UNC79: variants seen among roughly 807,000 people sequenced by gnomAD.
UNC79 encodes protein unc-79 homolog.
UNC79 carries 37 observed loss-of-function variants against 283.1 expected under a neutral mutation model. The ratio of observed to expected loss-of-function variants is 0.13; its 90% confidence interval spans 0.10 to 0.17. The LOEUF is 0.17. Ranked by LOEUF, UNC79 falls within the 10% of genes least tolerant of loss-of-function variation. The probability of loss-of-function intolerance (pLI) is 1.00; values close to 1 mark genes in which losing one functional copy is unlikely to be tolerated. For synonymous variants in UNC79, 1,107 were observed against 1,200.2 expected (o/e 0.92, Z 1.61); for missense variants, 2,272 against 3,211.1 (o/e 0.71, Z 7.07).
At chr14:93,372,170 T>C (rs2054465231) in intron 1 of UNC79, among the ~76,000 whole-genome samples, 1 of 150,928 alleles carries the variant, frequency 6.6e-6, no homozygotes, top group South Asian at 2.1e-4. Flanking sequence ...TTAATTTTTC[T>C]TCTTAATTGG....
chr14:93,335,136 G>GGT (rs1368748809), intron 1 of UNC79: 1 of 152,196 alleles, frequency 6.6e-6, no homozygotes, highest in Non-Finnish European at 1.5e-5. Flanking sequence ...AGCCAAGTAA[G>GGT]GTCTGCTGGT....
chr14:93,443,069 T>C (rs745451753), intron 1 of UNC79, among the ~76,000 whole-genome samples: 1 of 151,596 alleles, frequency 6.6e-6, no homozygotes, highest in East Asian at 1.9e-4. Flanking sequence ...ACTAAAAATA[T>C]AAAAATTAGC....
Position 93,642,424 on chromosome 14 carries a change from C to CAA in UNC79, c.5904-1114_5904-1113dup, listed in dbSNP as rs5810634. 1.0e-2 allele frequency among the ~76,000 whole-genome samples: 1,056 copies of CAA among 105,744 alleles called. 51 individuals carry two copies. In the East Asian group the frequency reaches 0.13, roughly 13 times the overall value. The allele number at this position is 105,744 out of a possible 152,430, so 69.4% of individuals were successfully genotyped here. A position where few individuals can be genotyped will look rare whatever the true frequency, so the allele number is the denominator to read the frequency against. On this transcript the variant is annotated intron_variant, in intron 33 of 48. Transcript: ENST00000555664. ...TGGGTGACAGAGCAAGACTCCATCT[C>CAA]AAAAAAAAAAAAAAAAAAAAGTGAG... is the stretch of plus-strand genomic sequence containing the variant.
chr14:93,372,785 T>C (rs1595399505), intron 1 of UNC79, among the ~76,000 whole-genome samples: 1 of 152,310 alleles, frequency 6.6e-6, no homozygotes, highest in East Asian at 1.9e-4. Flanking sequence ...AAGGCCATAG[T>C]TGAACTCAAC....
chr14:93,474,052 C>G lies in UNC79; in HGVS notation c.144-37C>G. ...CAATGTAATGTGCTGTTCTTTGTGTCTTTGTTGTCTCTTTTTTTTCTTTGT... is the reference window on the plus strand; with the variant it reads ...CAATGTAATGTGCTGTTCTTTGTGTGTTTGTTGTCTCTTTTTTTTCTTTGT... On this transcript the variant is annotated intron_variant, in intron 2 of 48. Coordinates refer to ENST00000555664, the Ensembl canonical transcript of UNC79. This position sits in a 1 kb window ranked among gnomAD's most constrained non-coding sequence, Gnocchi z 4.1. 6.7e-7 allele frequency: 1 copy of G among 1,497,532 alleles called. No homozygotes were observed. The allele number at this position is 1,497,532 out of a possible 1,614,324, so 92.8% of individuals were successfully genotyped here.
chr14:93,477,859 CA>C, intron 4 of UNC79, 131 bp downstream of exon 4: 2 of 833,766 alleles, frequency 2.4e-6, no homozygotes, highest in East Asian at 5.7e-5. Context: ...GCTATGATTT[CA>C]ATTCAGTCAC....
In UNC79 at chr14:93,621,751, T is replaced by G; in HGVS notation, c.4518T>G (p.Asn1506Lys). 2 of 1,614,186 alleles carry G rather than the reference T, an allele frequency of 1.2e-6. No individual in the cohort carries two copies. The highest frequency in any genetic ancestry group is 2.2e-5 in the East Asian group (1 of 44,868). The change falls in exon 30 of 49, where the codon AAT becomes AAG. Residue 1506 changes from asparagine (N) to lysine (K), a missense_variant. Transcript: ENST00000555664. The surrounding 1 kb of genome is among the most constrained non-coding windows in gnomAD (Gnocchi z 4.8). ...AACAAAAATCTCTTGATATAGGGAATGCAGACTCGCTTTTGTTTACATTAG... is the reference window on the plus strand; with the variant it reads ...AACAAAAATCTCTTGATATAGGGAAGGCAGACTCGCTTTTGTTTACATTAG...
intron 30 of UNC79, among the ~76,000 whole-genome samples, chr14:93,625,278 GA>G (rs1159594637): frequency 6.6e-6 from 1 of 152,114 alleles, no homozygotes; most frequent in Non-Finnish European, 1.5e-5. Flanking sequence ...CTTGTCTCTA[GA>G]AACTCCCTCT....
intron 47 of UNC79, among the ~76,000 whole-genome samples, chr14:93,694,803 G>A (rs900062692): frequency 5.9e-5 from 9 of 152,002 alleles, no homozygotes; most frequent in African/African-American, 1.9e-4. Context: ...ATATTACTGG[G>A]GAATATTGAT....
rs573781118 is a variant in UNC79 at position 93,661,793 on chromosome 14, TC to T, written c.6526-806del. Among the ~76,000 whole-genome samples, 26 of 152,220 alleles carry T rather than the reference TC, an allele frequency of 1.7e-4. No individual in the cohort carries two copies. The South Asian group carries it at 5.2e-3, about 30-fold the overall frequency. ...CCTAATGAGGTGGAAGCCATTATTATCCCCCTTTTACAGAGGAGAAAACCAA... is the reference window on the plus strand; with the variant it reads ...CCTAATGAGGTGGAAGCCATTATTATCCCCTTTTACAGAGGAGAAAACCAA... On this transcript the variant is annotated intron_variant, in intron 39 of 48. Coordinates refer to ENST00000555664, the Ensembl canonical transcript of UNC79.
chr14:93,355,033 C>CTT (rs775942790), intron 1 of UNC79, among the ~76,000 whole-genome samples: 4 of 140,344 alleles, frequency 2.9e-5, no homozygotes, highest in South Asian at 2.3e-4. Context: ...ATTTTACAGC[C>CTT]TTTTTTTTTT....
chr14:93,466,303 T>C (rs1387985581), intron 1 of UNC79, among the ~76,000 whole-genome samples: 2 of 152,244 alleles, frequency 1.3e-5, no homozygotes, highest in Non-Finnish European at 2.9e-5. Flanking sequence ...GTGATTAACC[T>C]GGTAACTTCT....
chr14:93,586,541 A>T, intron 20 of UNC79, 55 bp from the exon 21 acceptor site: 1 of 1,442,932 alleles, frequency 6.9e-7, no homozygotes, highest in Non-Finnish European at 9.6e-7. Context: ...TAAATTGATG[A>T]ATGATGGGGG....
chr14:93,610,302 C>T (rs913855450), intron 26 of UNC79, among the ~76,000 whole-genome samples: 2 of 152,198 alleles, frequency 1.3e-5, no homozygotes, highest in African/African-American at 4.8e-5. Flanking sequence ...AACTTCCTCT[C>T]ATACACTCTT....
intron 40 of UNC79, among the ~76,000 whole-genome samples, chr14:93,668,168 G>A (rs535201225): frequency 7.9e-5 from 12 of 152,190 alleles, no homozygotes; most frequent in African/African-American, 2.4e-4. Context: ...TGCAAGACAG[G>A]AAGAAGAAAT....
At chr14:93,377,404 G>T (rs756005113) in intron 1 of UNC79, among the ~76,000 whole-genome samples, 13 of 152,026 alleles carry the variant, frequency 8.6e-5, no homozygotes, top group Non-Finnish European at 1.5e-4. Flanking sequence ...GAGAATAGTT[G>T]TTTCTTAAAG....
At chr14:93,682,655 A>G (rs1457070397) in exon 42 of UNC79, 1 of 1,613,942 alleles carries the variant, frequency 6.2e-7, no homozygotes, top group Non-Finnish European at 8.5e-7. Flanking sequence ...TAGCTGAGTC[A>G]ACAATCCTGA....
chr14:93,622,356 G>T, exon 30 of UNC79: 5 of 1,614,116 alleles, frequency 3.1e-6, no homozygotes, highest in Non-Finnish European at 4.2e-6. Flanking sequence ...CAGTCAGCAG[G>T]GAACACTGAC....
chr14:93,686,690 C>T, intron 43 of UNC79, 29 bp downstream of exon 46: 2 of 1,612,664 alleles, frequency 1.2e-6, no homozygotes, highest in Non-Finnish European at 1.7e-6. Flanking sequence ...GCTCATCCCT[C>T]AGGTTCACAA....
Sources: gnomAD v4.1 joint callset for allele counts (sites outside exome capture counted in the v4.1 genomes callset) on GRCh38, gnomAD v4.1.1 for gene constraint, Gnocchi (gnomAD v3.1) non-coding constraint, MANE v1.5 for transcripts, NCBI Gene and HGNC (gene_info 2026-07-23, HGNC 2026-07-21) for gene names.